Variants in PFKP observed in about 807,000 individuals in gnomAD.
The protein encoded by PFKP is phosphofructokinase, platelet.
A neutral mutation model predicts 94.3 loss-of-function variants in PFKP; 101 were observed. The observed-to-expected ratio is 1.07, with a 90% CI of 0.91 to 1.26. PFKP has a LOEUF of 1.26. PFKP is among the 50% of genes most tolerant of loss of function. The probability of loss-of-function intolerance (pLI) is 0.00; values close to 1 mark genes in which losing one functional copy is unlikely to be tolerated. For missense variants in PFKP, 1,145 were observed against 1,103.3 expected, an observed-to-expected ratio of 1.04 and a Z score of -0.53; for synonymous variants, 573 against 432.6, an observed-to-expected ratio of 1.32 and a Z score of -4.03.
chr10:3,123,115 C>T (rs75842769), intron 16 of PFKP, among the ~76,000 whole-genome samples: 4,792 of 152,238 alleles, frequency 0.031, 189 homozygotes, highest in Admixed American at 0.084. Flanking sequence ...AGTGGTCCTC[C>T]GGGCAGAGCA....
chr10:3,119,767 T>TCGTCG, intron 15 of PFKP, 125 bp from the exon 16 acceptor site: 1 of 545,302 alleles, frequency 1.8e-6, no homozygotes, highest in Non-Finnish European at 2.9e-6. Context: ...TCTCGGAGTG[T>TCGTCG]TTTCGTGATG....
At position 3,102,102 on chromosome 10, in the gene PFKP, T is replaced by G. The variant is rs889159791; in HGVS notation, c.454+548T>G. ...CCGTCTCTACTAAAAATACAAAAAATTAGCCGGGCGTAGTGGCGGGCGCCT... is the reference window on the plus strand; with the variant it reads ...CCGTCTCTACTAAAAATACAAAAAAGTAGCCGGGCGTAGTGGCGGGCGCCT... On this transcript the variant is annotated intron_variant, in intron 4 of 21. Coordinates refer to ENST00000381125, the MANE Select transcript of PFKP (RefSeq NM_002627.5). Among the ~76,000 whole-genome samples, 3 of 150,204 alleles carry G rather than the reference T, an allele frequency of 2.0e-5. No individual in the cohort carries two copies. In the South Asian group the frequency reaches 6.5e-4, roughly 32 times the overall value.
intron 17 of PFKP, among the ~76,000 whole-genome samples, chr10:3,130,855 C>A (rs1481252436): frequency 6.6e-6 from 1 of 152,218 alleles, no homozygotes; most frequent in African/African-American, 2.4e-5. Context: ...CCGCGCCCAG[C>A]ACCATTGTCT....
rs1290036845 is a variant in PFKP at position 3,105,156 on chromosome 10, G to C, written c.662G>C (p.Cys221Ser). Residue 221 changes from cysteine to serine, a missense_variant, in exon 6 of 22, where the codon TGT becomes TCT. This residue lies in a region of PFKP where 1,119 missense variants were observed against 1,062.8 expected (regional missense o/e 1.05). Transcript: ENST00000381125. ...TFVLEVMGRH[C>S]GYLALVSALA... ...GTTCTGGAGGTGATGGGACGACACT[G>C]TGGGTACGTACCTGCGGTGGGTCCG... The C allele has an allele frequency of 6.2e-7, 1 of 1,613,634 alleles. No individual in the cohort carries two copies. The highest frequency in any genetic ancestry group is 1.7e-5 in the Admixed American group (1 of 59,982).
intron 17 of PFKP, among the ~76,000 whole-genome samples, chr10:3,131,392 C>T (rs1207538984): frequency 6.6e-6 from 1 of 152,138 alleles, no homozygotes; most frequent in Non-Finnish European, 1.5e-5. Flanking sequence ...GAAATCTATC[C>T]AAAGATCCTG....
In PFKP at chr10:3,099,360, C is replaced by G; in HGVS notation, c.264+8C>G. The G allele has an allele frequency of 6.2e-7, 1 of 1,610,718 alleles. No individual in the cohort carries two copies. Among genetic ancestry groups the G allele is most frequent in the Non-Finnish European group, 8.5e-7 (1 of 1,176,926 alleles). Reference sequence around the variant, plus strand: ...TCCAGCATCCTGCAAGTGGTAGGTACTGGGCTGCGTCCACAGGGTTCTCTG... The same window carrying G: ...TCCAGCATCCTGCAAGTGGTAGGTAGTGGGCTGCGTCCACAGGGTTCTCTG... On this transcript the variant is annotated splice_region_variant and intron_variant, in intron 3 of 21. Coordinates refer to ENST00000381125, the MANE Select transcript of PFKP (RefSeq NM_002627.5).
At chr10:3,101,026 C>G in intron 3 of PFKP, 1 of 1,581,300 alleles carries the variant, frequency 6.3e-7, no homozygotes, top group Non-Finnish European at 8.7e-7. Context: ...TTTGGTTCCA[C>G]GTGCACCTGG....
At position 3,119,999 on chromosome 10, in the gene PFKP, C is replaced by T. The variant is rs566002122; in HGVS notation, c.1638C>T (p.Ser546=). The change falls in exon 16 of 22, where the codon TCC becomes TCT. Residue 546 remains serine (S), a synonymous_variant. Transcript: ENST00000381125. ...PATVSNNVPG[S]DFSIGADTAL... is the part of the protein sequence containing the mutation. ...CTGTGTCCAACAATGTGCCGGGTTC[C>T]GATTTCAGCATCGGGGCAGACACCG... The T allele has an allele frequency of 2.0e-5, 33 of 1,614,134 alleles. 1 individual carries two copies. Among genetic ancestry groups the T allele is most frequent in the South Asian group, 5.5e-5 (5 of 91,072 alleles).
rs1010085950 is a variant in PFKP at position 3,113,105 on chromosome 10, C to T, written c.1155-14C>T. On this transcript the variant is annotated splice_polypyrimidine_tract_variant and intron_variant, in intron 11 of 21. Transcript: ENST00000381125. Reference sequence around the variant, plus strand: ...TATTCTCGACTCCGGTCCAACGACACCCTTTTCCTTTAGGAGCTTTGCGGG... The same window carrying T: ...TATTCTCGACTCCGGTCCAACGACATCCTTTTCCTTTAGGAGCTTTGCGGG... 1.9e-6 allele frequency: 3 copies of T among 1,611,260 alleles called. No homozygotes were observed. The highest frequency in any genetic ancestry group is 2.5e-6 in the Non-Finnish European group (3 of 1,178,762).
chr10:3,093,913 G>C (rs536587052), intron 2 of PFKP, among the ~76,000 whole-genome samples: 1 of 152,180 alleles, frequency 6.6e-6, no homozygotes, highest in Non-Finnish European at 1.5e-5. Flanking sequence ...AAAGTGCTGG[G>C]ATTACAGGCG....
chr10:3,084,301 G>A (rs759329302), intron 2 of PFKP, among the ~76,000 whole-genome samples: 4 of 152,280 alleles, frequency 2.6e-5, no homozygotes, highest in Non-Finnish European at 4.4e-5. Flanking sequence ...TGTGTGCGGC[G>A]GCCTTCTGAG....
intron 2 of PFKP, among the ~76,000 whole-genome samples, chr10:3,087,859 C>T (rs568622796): frequency 2.6e-5 from 4 of 152,192 alleles, no homozygotes; most frequent in Non-Finnish European, 4.4e-5. Flanking sequence ...TTCTCATGGA[C>T]CCTCAGACCG....
chr10:3,101,611 G>A, intron 4 of PFKP, 57 bp downstream of exon 4: 2 of 1,255,690 alleles, frequency 1.6e-6, no homozygotes, highest in Non-Finnish European at 1.1e-6. Context: ...CAGAGCTTTG[G>A]AACCGACAGG....
intron 21 of PFKP, 123 bp from the exon 22 acceptor site, chr10:3,136,326 TA>T: frequency 1.1e-6 from 1 of 874,430 alleles, no homozygotes; most frequent in Non-Finnish European, 1.8e-6. Flanking sequence ...CTTTATCATC[TA>T]GTTGATTCAG....
intron 2 of PFKP, among the ~76,000 whole-genome samples, chr10:3,083,828 A>G (rs1183440823): frequency 6.6e-6 from 1 of 152,114 alleles, no homozygotes. Context: ...TTTTTAGTAG[A>G]GATGGGGTTT....
At chr10:3,121,488 C>T (rs1416434267) in intron 16 of PFKP, among the ~76,000 whole-genome samples, 1 of 152,032 alleles carries the variant, frequency 6.6e-6, no homozygotes, top group East Asian at 1.9e-4. Flanking sequence ...CTAATTGGAA[C>T]TCGCCCAGAG....
chr10:3,080,516 CAAAAAAAAAA>C (rs869281524), intron 1 of PFKP, among the ~76,000 whole-genome samples: 1 of 68,666 alleles, frequency 1.5e-5, no homozygotes, highest in Non-Finnish European at 2.5e-5. Flanking sequence ...GACTCCGTCT[CAAAAAAAAAA>C]AAAAAAAAAA....
chr10:3,116,667 T>C, intron 13 of PFKP, 109 bp from the exon 14 acceptor site: 1 of 837,788 alleles, frequency 1.2e-6, no homozygotes. Context: ...GCCTCTCAAA[T>C]CTTTACCGGA....
chr10:3,090,790 C>A (rs1250732375), intron 2 of PFKP, among the ~76,000 whole-genome samples: 1 of 152,104 alleles, frequency 6.6e-6, no homozygotes, highest in Non-Finnish European at 1.5e-5. Context: ...TGGGGGACCG[C>A]TGTTCTAGAC....
Sources: gnomAD v4.1 joint callset for allele counts (sites outside exome capture counted in the v4.1 genomes callset) on GRCh38, gnomAD v4.1.1 for gene constraint, gnomAD v4.1.1 regional missense constraint, MANE v1.5 for transcripts, NCBI Gene and HGNC (gene_info 2026-07-23, HGNC 2026-07-21) for gene names.